RIMS2: variants seen among roughly 807,000 people sequenced by gnomAD.
RIMS2 encodes regulating synaptic membrane exocytosis 2.
A neutral mutation model predicts 174.4 loss-of-function variants in RIMS2; 59 were observed. The ratio of observed to expected loss-of-function variants is 0.34; its 90% CI spans 0.27 to 0.42. RIMS2 has a LOEUF of 0.42. RIMS2 is among the 10% of genes least tolerant of loss of function. The probability of loss-of-function intolerance (pLI) is 1.00; values close to 1 mark genes in which losing one functional copy is unlikely to be tolerated. For synonymous variants in RIMS2, 606 were observed against 572.5 expected (o/e 1.06, Z -0.84); for missense variants, 1,620 against 1,666.3 (o/e 0.97, Z 0.48).
chr8:103,762,213 T>G (rs750424802), intron 2 of RIMS2, among the ~76,000 whole-genome samples: 19 of 152,050 alleles, frequency 1.2e-4, no homozygotes, highest in Non-Finnish European at 2.5e-4. Context: ...TTCCATCTCT[T>G]AATATTTCTA....
intron 19 of RIMS2, among the ~76,000 whole-genome samples, chr8:104,138,717 A>T: frequency 6.6e-6 from 1 of 151,376 alleles, no homozygotes; most frequent in East Asian, 2.0e-4. Flanking sequence ...TATTCTGTGG[A>T]TTGTCTCTTC....
At chr8:103,920,667 T>G (rs966144459) in intron 9 of RIMS2, 2 of 457,058 alleles carry the variant, frequency 4.4e-6, no homozygotes, top group Non-Finnish European at 8.8e-6. Context: ...TGTTCCCAAT[T>G]AAGTTTTTAT....
chr8:103,638,526 C>T (rs1187838680), intron 1 of RIMS2, among the ~76,000 whole-genome samples: 2 of 151,956 alleles, frequency 1.3e-5, no homozygotes, highest in Non-Finnish European at 2.9e-5. Flanking sequence ...CTTGAGGGAG[C>T]ATTATAATCC....
rs944258867 is a variant in RIMS2, at chr8:103,758,425, G to A, written c.388-7802G>A. ...GCTTTGTTCAGTGTCAAAGTTACAAGTGTGTCCCACTTGCCCAAGCCTACA... is the reference window on the plus strand; with the variant it reads ...GCTTTGTTCAGTGTCAAAGTTACAAATGTGTCCCACTTGCCCAAGCCTACA... On this transcript the variant is annotated intron_variant, in intron 2 of 23. Transcript: ENST00000504942. Among the ~76,000 whole-genome samples the A allele has an allele frequency of 3.9e-5, 6 of 152,268 alleles. No homozygotes were observed. In the South Asian group the frequency reaches 1.2e-3, roughly 32 times the overall value.
intron 1 of RIMS2, among the ~76,000 whole-genome samples, chr8:103,609,516 T>C (rs1042815465): frequency 6.6e-6 from 1 of 152,236 alleles, no homozygotes; most frequent in African/African-American, 2.4e-5. Flanking sequence ...TAATCCATCT[T>C]GAGTTCCTGT....
At chr8:104,067,420 G>A (rs560980111) in intron 19 of RIMS2, among the ~76,000 whole-genome samples, 15 of 151,930 alleles carry the variant, frequency 9.9e-5, no homozygotes, top group Non-Finnish European at 1.8e-4. Context: ...TTTTGAGATG[G>A]GATCTCACTG....
chr8:104,121,679 T>C (rs1159573494), intron 19 of RIMS2, among the ~76,000 whole-genome samples: 1 of 152,160 alleles, frequency 6.6e-6, no homozygotes, highest in Non-Finnish European at 1.5e-5. Flanking sequence ...AATAAAATAA[T>C]GGCTGAGCGA....
At chr8:103,768,161 A>G (rs2098200727) in intron 3 of RIMS2, 2 of 346,420 alleles carry the variant, frequency 5.8e-6, no homozygotes, top group South Asian at 5.4e-5. Context: ...GTCAAGGTAT[A>G]TGAAAAAAAT....
intron 3 of RIMS2, among the ~76,000 whole-genome samples, chr8:103,777,002 A>G (rs992400409): frequency 2.6e-5 from 4 of 152,112 alleles, no homozygotes; most frequent in Admixed American, 2.6e-4. Context: ...AGGCATTTTA[A>G]AACCAATGCT....
At chr8:104,001,830 C>G (rs1485700078) in intron 17 of RIMS2, among the ~76,000 whole-genome samples, 1 of 151,864 alleles carries the variant, frequency 6.6e-6, no homozygotes, top group Non-Finnish European at 1.5e-5. Context: ...TATCTTGTAC[C>G]TTTGTATGTA....
At chr8:103,810,984 A>T (rs1046716881) in intron 3 of RIMS2, among the ~76,000 whole-genome samples, 1 of 148,190 alleles carries the variant, frequency 6.7e-6, no homozygotes, top group Non-Finnish European at 1.5e-5. Flanking sequence ...TGTGCAGTCA[A>T]TATTTGTTTC....
At chr8:103,546,113 A>G (rs369443488) in intron 1 of RIMS2, among the ~76,000 whole-genome samples, 159 of 152,276 alleles carry the variant, frequency 1.0e-3, no homozygotes, top group South Asian at 6.6e-3. Context: ...ACAAGACCCA[A>G]TTGTATGTTG....
At chr8:103,954,894 G>T (rs908407645) in intron 14 of RIMS2, among the ~76,000 whole-genome samples, 2 of 151,966 alleles carry the variant, frequency 1.3e-5, no homozygotes, top group Non-Finnish European at 2.9e-5. Flanking sequence ...TAAAATAGAT[G>T]CAGTAAAAAA....
At chr8:103,922,450 C>T (rs911559448) in intron 10 of RIMS2, among the ~76,000 whole-genome samples, 26 of 151,506 alleles carry the variant, frequency 1.7e-4, no homozygotes, top group Non-Finnish European at 3.0e-4. Context: ...ACTTTTTATT[C>T]GTTTGTTCTG....
rs1476819839 is a variant in RIMS2, at chr8:104,188,229, A to AGATAGATAGAT, written c.3335-56686_3335-56676dup. Among the ~76,000 whole-genome samples the AGATAGATAGAT allele has an allele frequency of 2.1e-3, 277 of 131,594 alleles. 1 individual carries two copies. Among genetic ancestry groups the AGATAGATAGAT allele is most frequent in the African/African-American group, 7.7e-3 (260 of 33,782 alleles). The allele number at this position is 131,594 out of a possible 152,430, so 86.3% of individuals were successfully genotyped here. A position where few individuals can be genotyped will look rare whatever the true frequency, so the allele number is the denominator to read the frequency against. ...CTTTTAATGGTTTGTTCAGATAGATAGATAGATAGATAGATAGATAGATAG... is the reference window on the plus strand; with the variant it reads ...CTTTTAATGGTTTGTTCAGATAGATAGATAGATAGATGATAGATAGATAGATAGATAGATAG... On this transcript the variant is annotated intron_variant, in intron 19 of 23. Transcript: ENST00000504942.
chr8:103,537,076 G>A (rs1002553416), intron 1 of RIMS2, among the ~76,000 whole-genome samples: 1 of 152,174 alleles, frequency 6.6e-6, no homozygotes, highest in African/African-American at 2.4e-5. Context: ...CATGGTTTTT[G>A]TCCTAATCTC....
At chr8:103,828,013 GAA>G (rs2098802546) in intron 3 of RIMS2, among the ~76,000 whole-genome samples, 1 of 151,812 alleles carries the variant, frequency 6.6e-6, no homozygotes, top group African/African-American at 2.4e-5. Context: ...TTTAGCTTTT[GAA>G]TATTAAACCA....
intron 3 of RIMS2, among the ~76,000 whole-genome samples, chr8:103,786,877 A>T (rs559950723): frequency 1.8e-4 from 28 of 152,074 alleles, no homozygotes; most frequent in African/African-American, 6.8e-4. Flanking sequence ...GGGGTGTTAA[A>T]GTCTCCCATT....
chr8:103,578,324 G>A (rs1425912667), intron 1 of RIMS2, among the ~76,000 whole-genome samples: 2 of 152,118 alleles, frequency 1.3e-5, no homozygotes, highest in African/African-American at 4.8e-5. Flanking sequence ...GAAGTCAGGA[G>A]TTCAAGATCA....
Sources: allele counts gnomAD v4.1 joint callset (sites outside exome capture counted in the v4.1 genomes callset), GRCh38; gene constraint gnomAD v4.1.1; transcripts MANE v1.5; gene names NCBI Gene and HGNC (gene_info 2026-07-23, HGNC 2026-07-21).